KIRREL3: variants seen among roughly 807,000 people sequenced by gnomAD.
KIRREL3 encodes the protein kirre like nephrin family adhesion molecule 3.
In KIRREL3, 36 loss-of-function variants were observed where a neutral mutation model predicts 89.7. That is an observed-to-expected ratio of 0.40 (90% CI 0.31 to 0.53). The LOEUF is 0.53. Among genes scored for constraint, KIRREL3 ranks in the 20% least tolerant of loss-of-function variants. KIRREL3 has a pLI of 0.49. For synonymous variants in KIRREL3, 445 were observed against 441.4 expected (o/e 1.01, Z -0.10); for missense variants, 864 against 1,056.6 (o/e 0.82, Z 2.53).
rs543055102 is a variant in KIRREL3, at chr11:126,979,774, A to C, written c.55+20681T>G. Among the ~76,000 whole-genome samples the C allele has an allele frequency of 5.9e-5, 9 of 152,342 alleles. No homozygotes were observed. The East Asian group carries it at 1.7e-3, about 29-fold the overall frequency. On this transcript the variant is annotated intron_variant, in intron 1 of 16. Coordinates refer to ENST00000525144, the MANE Select transcript of KIRREL3 (RefSeq NM_032531.4). ...GACCTGGCCTTTGTAGCAGATGCTT[A>C]AGAAACGTCAGCATCTTTTCAAGAA...
rs1036875526 is a variant in KIRREL3 at position 126,557,409 on chromosome 11, G to A, written c.133+5426C>T. Among the ~76,000 whole-genome samples, 2 of 152,168 alleles carry A rather than the reference G, an allele frequency of 1.3e-5. No homozygotes were observed. The highest frequency in any genetic ancestry group is 4.8e-5 in the African/African-American group (2 of 41,436). On this transcript the variant is annotated intron_variant, in intron 2 of 16. Transcript: ENST00000525144. The surrounding 1 kb of genome is among the most constrained non-coding windows in gnomAD (Gnocchi z 5.6). ...GGGCTGTGAGAACAGGGTGTGGGCTGGGTGTTGAGATCCAAGATAGATTTT... is the reference window on the plus strand; with the variant it reads ...GGGCTGTGAGAACAGGGTGTGGGCTAGGTGTTGAGATCCAAGATAGATTTT...
In KIRREL3 at chr11:126,634,805, C is replaced by T. The variant is rs184223098; in HGVS notation, c.56-71893G>A. Reference sequence around the variant, plus strand: ...TCAAATTCCTGCAAATATCCATCCTCGGTCCTAGGCTACAGGTCTGCGCCC... The same window carrying T: ...TCAAATTCCTGCAAATATCCATCCTTGGTCCTAGGCTACAGGTCTGCGCCC... On this transcript the variant is annotated intron_variant, in intron 1 of 16. Coordinates refer to ENST00000525144, the MANE Select transcript of KIRREL3 (RefSeq NM_032531.4). Among the ~76,000 whole-genome samples the T allele has an allele frequency of 2.1e-3, 316 of 152,294 alleles. 1 individual carries two copies. Among genetic ancestry groups the T allele is most frequent in the Non-Finnish European group, 3.6e-3 (245 of 68,026 alleles).
At chr11:126,919,027 G>C (rs1167657477) in intron 1 of KIRREL3, among the ~76,000 whole-genome samples, 4 of 149,608 alleles carry the variant, frequency 2.7e-5, no homozygotes, top group South Asian at 2.1e-4. Context: ...GTATTATTAT[G>C]TGTATTAATA....
At position 126,435,262 on chromosome 11, in the gene KIRREL3, C is replaced by T. The variant is rs892284183; in HGVS notation, c.1588+6G>A. Reference sequence around the variant, plus strand: ...CCAGGGCCATTCTCATCATCTCCTTCCGTACCTGCTTCCAGCCCGGCTCCC... The same window carrying T: ...CCAGGGCCATTCTCATCATCTCCTTTCGTACCTGCTTCCAGCCCGGCTCCC... On this transcript the variant is annotated splice_donor_region_variant and intron_variant, in intron 13 of 16. Transcript: ENST00000525144. The T allele has an allele frequency of 1.2e-6, 2 of 1,613,746 alleles. No homozygotes were observed. Among genetic ancestry groups the T allele is most frequent in the Non-Finnish European group, 1.7e-6 (2 of 1,179,848 alleles).
chr11:126,486,329 G>A lies in KIRREL3; in HGVS notation c.434-12863C>T, dbSNP rs1280539924. Among the ~76,000 whole-genome samples the A allele has an allele frequency of 5.9e-5, 9 of 152,142 alleles. No individual in the cohort carries two copies. The highest frequency in any genetic ancestry group is 2.6e-4 in the Admixed American group (4 of 15,286). On this transcript the variant is annotated intron_variant, in intron 4 of 16. Coordinates refer to ENST00000525144, the MANE Select transcript of KIRREL3 (RefSeq NM_032531.4). The surrounding 1 kb of genome is among the most constrained non-coding windows in gnomAD (Gnocchi z 6.2). The stretch of plus-strand genomic sequence containing the variant: ...TCAAACTGGAGAGAGGAAGGGGTGA[G>A]TAGGGCTGGGGCAGGAAGGCCAGTG...
At position 126,807,899 on chromosome 11, in the gene KIRREL3, T is replaced by C. The variant is rs1490176346; in HGVS notation, c.55+192556A>G. On this transcript the variant is annotated intron_variant, in intron 1 of 16. Transcript: ENST00000525144. The surrounding 1 kb of genome is among the most constrained non-coding windows in gnomAD (Gnocchi z 4.3). ...GGAAGGTGACGAAAGGAAGCTCAAGTTGTGTGACTAATATGCCCAAGGCCA... is the reference window on the plus strand; with the variant it reads ...GGAAGGTGACGAAAGGAAGCTCAAGCTGTGTGACTAATATGCCCAAGGCCA... Among the ~76,000 whole-genome samples the C allele has an allele frequency of 6.6e-6, 1 of 152,026 alleles. No individual in the cohort carries two copies. The highest frequency in any genetic ancestry group is 1.9e-4 in the East Asian group (1 of 5,200).
At chr11:126,988,835 C>T (rs1949944710) in intron 1 of KIRREL3, among the ~76,000 whole-genome samples, 1 of 152,226 alleles carries the variant, frequency 6.6e-6, no homozygotes, top group Non-Finnish European at 1.5e-5. Flanking sequence ...GGCTGGTCCC[C>T]ATTCAGCAAT....
At chr11:126,858,487 T>C (rs1030923259) in intron 1 of KIRREL3, among the ~76,000 whole-genome samples, 1 of 152,182 alleles carries the variant, frequency 6.6e-6, no homozygotes, top group African/African-American at 2.4e-5. Context: ...AGTTCTCACC[T>C]CCTAAGAAGT....
At position 126,641,396 on chromosome 11, in the gene KIRREL3, A is replaced by G. The variant is rs200124752; in HGVS notation, c.56-78484T>C. Among the ~76,000 whole-genome samples the G allele has an allele frequency of 8.9e-6, 1 of 112,246 alleles. No homozygotes were observed. The highest frequency in any genetic ancestry group is 2.6e-4 in the South Asian group (1 of 3,838). The allele number at this position is 112,246 out of a possible 152,430, so 73.6% of individuals were successfully genotyped here. ...AGAGCCTCTTGGTGGTCACAAAGCT[A>G]CTTGCCACTCTCATCAGATCAGGGT... On this transcript the variant is annotated intron_variant, in intron 1 of 16. Transcript: ENST00000525144. This position sits in a 1 kb window ranked among gnomAD's most constrained non-coding sequence, Gnocchi z 5.0.
At chr11:126,473,266 C>CG in intron 5 of KIRREL3, 43 bp downstream of exon 5, 2 of 962,364 alleles carry the variant, frequency 2.1e-6, no homozygotes, top group Non-Finnish European at 2.8e-6. Context: ...ACCCACTCCC[C>CG]TTGAAGCCCG....
chr11:126,823,340 C>T (rs1448375167), intron 1 of KIRREL3, among the ~76,000 whole-genome samples: 1 of 152,152 alleles, frequency 6.6e-6, no homozygotes, highest in African/African-American at 2.4e-5. Flanking sequence ...CATCTAACCT[C>T]CAGGGCCTTT....
At chr11:126,781,052 T>C (rs978122475) in intron 1 of KIRREL3, among the ~76,000 whole-genome samples, 1 of 152,172 alleles carries the variant, frequency 6.6e-6, no homozygotes, top group Admixed American at 6.5e-5. Flanking sequence ...CAATTTTAAC[T>C]CTGGAAACTT....
rs768714214 is a variant in KIRREL3 at position 126,435,287 on chromosome 11, C to T, written c.1569G>A (p.Ser523=). 1.6e-5 allele frequency: 26 copies of T among 1,613,688 alleles called. No individual in the cohort carries two copies. Among genetic ancestry groups the T allele is most frequent in the East Asian group, 2.2e-5 (1 of 44,858 alleles). Residue 523 remains serine, a synonymous_variant, in exon 13 of 17, where the codon TCG becomes TCA. Coordinates refer to ENST00000525144, the MANE Select transcript of KIRREL3 (RefSeq NM_032531.4). Reference sequence around the variant, plus strand: ...CCGTACCTGCTTCCAGCCCGGCTCCCGACTTCATTTCCGAACCTGTTTGGA... The same window carrying T: ...CCGTACCTGCTTCCAGCCCGGCTCCTGACTTCATTTCCGAACCTGTTTGGA... The part of the protein sequence containing the change: ...RLKEQGSEMK[S]GAGLEAESVP...
intron 1 of KIRREL3, among the ~76,000 whole-genome samples, chr11:126,923,187 C>CTCT (rs1209221075): frequency 5.0e-4 from 12 of 23,838 alleles, no homozygotes; most frequent in East Asian, 2.6e-3. Context: ...TCTTCTTCTT[C>CTCT]TCTTCTTCTT....
At position 126,491,179 on chromosome 11, in the gene KIRREL3, C is replaced by T. The variant is rs1957502283; in HGVS notation, c.434-17713G>A. On this transcript the variant is annotated intron_variant, in intron 4 of 16. Coordinates refer to ENST00000525144, the MANE Select transcript of KIRREL3 (RefSeq NM_032531.4). This position sits in a 1 kb window ranked among gnomAD's most constrained non-coding sequence, Gnocchi z 5.5. ...TGGACTCTGGCGAGTTGCACCTCCC[C>T]GGGCGTCAGCGTCTGCATCTGAAAG... 2.6e-5 allele frequency among the ~76,000 whole-genome samples: 4 copies of T among 152,190 alleles called. No homozygotes were observed. Among genetic ancestry groups the T allele is most frequent in the Admixed American group, 6.5e-5 (1 of 15,280 alleles).
rs1004379801 is a variant in KIRREL3 at position 126,697,040 on chromosome 11, A to G, written c.56-134128T>C. ...CTTCCTTTCCAGCCTCTGCCTGCAC[A>G]AACCCACTGTTCTTTCGCTCAGGGT... On this transcript the variant is annotated intron_variant, in intron 1 of 16. Coordinates refer to ENST00000525144, the MANE Select transcript of KIRREL3 (RefSeq NM_032531.4). The surrounding 1 kb of genome is among the most constrained non-coding windows in gnomAD (Gnocchi z 4.2). Among the ~76,000 whole-genome samples, 1 of 152,170 alleles carries G rather than the reference A, an allele frequency of 6.6e-6. No individual in the cohort carries two copies. Among genetic ancestry groups the G allele is most frequent in the African/African-American group, 2.4e-5 (1 of 41,446 alleles).
chr11:126,873,782 C>T (rs1469963722), intron 1 of KIRREL3, among the ~76,000 whole-genome samples: 2 of 152,182 alleles, frequency 1.3e-5, no homozygotes, highest in Non-Finnish European at 2.9e-5. Context: ...CCTCACTTGG[C>T]TGACTGGGTG....
At chr11:126,567,431 G>A (rs769320709) in intron 1 of KIRREL3, among the ~76,000 whole-genome samples, 27 of 152,198 alleles carry the variant, frequency 1.8e-4, no homozygotes, top group Non-Finnish European at 3.1e-4. Context: ...CCAGAACTGT[G>A]GGACAATACA....
chr11:126,562,996 C>T lies in KIRREL3; in HGVS notation c.56-84G>A. On this transcript the variant is annotated intron_variant, in intron 1 of 16. Transcript: ENST00000525144. This position sits in a 1 kb window ranked among gnomAD's most constrained non-coding sequence, Gnocchi z 4.7. Reference sequence around the variant, plus strand: ...GGGCCCTCTGCAGGGGGCTGTGGAGCTTGTTGCTCTTATAAACAGAGGTGC... The same window carrying T: ...GGGCCCTCTGCAGGGGGCTGTGGAGTTTGTTGCTCTTATAAACAGAGGTGC... 4.5e-6 allele frequency: 4 copies of T among 887,212 alleles called. No individual in the cohort carries two copies. The South Asian group carries it at 6.9e-5, about 15-fold the overall frequency. The allele number at this position is 887,212 out of a possible 1,614,324, so 55.0% of individuals were successfully genotyped here. A position where few individuals can be genotyped will look rare whatever the true frequency, so the allele number is the denominator to read the frequency against.
Sources: allele counts gnomAD v4.1 joint callset (sites outside exome capture counted in the v4.1 genomes callset), GRCh38; gene constraint gnomAD v4.1.1; non-coding constraint Gnocchi (gnomAD v3.1); transcripts MANE v1.5; gene names NCBI Gene and HGNC (gene_info 2026-07-23, HGNC 2026-07-21).